SLC44A5: variants seen among roughly 807,000 people sequenced by gnomAD.
SLC44A5 encodes choline transporter-like protein 5.
A neutral mutation model predicts 101.8 loss-of-function variants in SLC44A5; 57 were observed. That is an observed-to-expected ratio of 0.56 (90% CI 0.45 to 0.70). The LOEUF (loss-of-function observed/expected upper bound fraction) is 0.70, where lower values mean the gene tolerates loss of function less well. Among genes scored for constraint, SLC44A5 ranks in the 30% least tolerant of loss-of-function variants. SLC44A5 has a pLI of 0.00. For synonymous variants in SLC44A5, 281 were observed against 290.9 expected, an observed-to-expected ratio of 0.97 and a Z score of 0.35; for missense variants, 737 against 853.1, an observed-to-expected ratio of 0.86 and a Z score of 1.70.
At chr1:75,251,870 TATTC>T (rs1649609901) in intron 6 of SLC44A5, among the ~76,000 whole-genome samples, 1 of 152,220 alleles carries the variant, frequency 6.6e-6, no homozygotes, top group Admixed American at 6.5e-5. Context: ...AGCAGGTTGA[TATTC>T]ATTATCATTA....
chr1:75,354,798 T>A (rs1658949178), intron 3 of SLC44A5, among the ~76,000 whole-genome samples: 1 of 152,188 alleles, frequency 6.6e-6, no homozygotes, highest in Non-Finnish European at 1.5e-5. Flanking sequence ...TTTCCAGAAT[T>A]TCTGAGGTAT....
chr1:75,599,362 A>G (rs1156644245), intron 1 of SLC44A5, among the ~76,000 whole-genome samples: 1 of 152,186 alleles, frequency 6.6e-6, no homozygotes, highest in Non-Finnish European at 1.5e-5. Flanking sequence ...CTGATAGCGC[A>G]TCAACAGAAC....
chr1:75,672,120 G>C, the SLC44A5 span, among the ~76,000 whole-genome samples: 4 of 152,158 alleles, frequency 2.6e-5, no homozygotes, highest in South Asian at 2.1e-4. Flanking sequence ...TTGTTTCTTT[G>C]TTTGTTTGCC....
intron 4 of SLC44A5, among the ~76,000 whole-genome samples, chr1:75,312,962 A>G (rs960468138): frequency 3.3e-5 from 5 of 152,320 alleles, no homozygotes; most frequent in African/African-American, 1.2e-4. Flanking sequence ...TCCTGATTAC[A>G]ATTTCAGTTC....
chr1:75,208,950 A>G (rs1212262812), intron 23 of SLC44A5, among the ~76,000 whole-genome samples: 1 of 152,216 alleles, frequency 6.6e-6, no homozygotes, highest in African/African-American at 2.4e-5. Context: ...GGAATAAATA[A>G]ATAAATAAAT....
chr1:75,323,805 A>G (rs1214987376), intron 4 of SLC44A5, among the ~76,000 whole-genome samples: 3 of 152,178 alleles, frequency 2.0e-5, no homozygotes, highest in African/African-American at 7.2e-5. Flanking sequence ...TTTATCTCTA[A>G]AGTCTTTTTA....
At chr1:75,446,103 C>T (rs1042369957) in intron 2 of SLC44A5, among the ~76,000 whole-genome samples, 1 of 152,130 alleles carries the variant, frequency 6.6e-6, no homozygotes, top group Non-Finnish European at 1.5e-5. Context: ...GTTTCTCTGA[C>T]CCCCCATTAG....
chr1:75,710,750 A>G, the SLC44A5 span, among the ~76,000 whole-genome samples: 2 of 152,074 alleles, frequency 1.3e-5, no homozygotes, highest in Non-Finnish European at 2.9e-5. Context: ...AGATCTGCTC[A>G]GGCTATTTTA....
chr1:75,655,977 G>C, the SLC44A5 span, among the ~76,000 whole-genome samples: 3 of 152,160 alleles, frequency 2.0e-5, no homozygotes, highest in South Asian at 6.2e-4. Context: ...AGCTCCAAAG[G>C]TCAAAATTAA....
At chr1:75,510,840 A>C (rs1045542999) in intron 2 of SLC44A5, among the ~76,000 whole-genome samples, 1 of 152,182 alleles carries the variant, frequency 6.6e-6, no homozygotes, top group Non-Finnish European at 1.5e-5. Flanking sequence ...CAACAACAAA[A>C]ATAGTTAAAG....
chr1:75,213,274 G>T (rs190556476), intron 22 of SLC44A5, among the ~76,000 whole-genome samples: 9 of 152,192 alleles, frequency 5.9e-5, no homozygotes, highest in Admixed American at 2.6e-4. Flanking sequence ...AATAATTTTT[G>T]CTATCATTAC....
intron 3 of SLC44A5, among the ~76,000 whole-genome samples, chr1:75,341,381 C>T (rs1170552945): frequency 6.6e-6 from 1 of 152,084 alleles, no homozygotes; most frequent in Non-Finnish European, 1.5e-5. Flanking sequence ...ATTCCAAAGG[C>T]TGAGGCATGA....
chr1:75,506,628 G>C (rs1669273461), intron 2 of SLC44A5, among the ~76,000 whole-genome samples: 1 of 151,916 alleles, frequency 6.6e-6, no homozygotes, highest in East Asian at 1.9e-4. Flanking sequence ...TATATTCTTG[G>C]TTTGACTCTC....
At chr1:75,369,191 A>G (rs1369141909) in intron 3 of SLC44A5, among the ~76,000 whole-genome samples, 1 of 150,252 alleles carries the variant, frequency 6.7e-6, no homozygotes, top group Non-Finnish European at 1.5e-5. Context: ...TTTTTTTTTT[A>G]ATTTTTTGAA....
chr1:75,532,438 C>T (rs1179036546), intron 2 of SLC44A5, among the ~76,000 whole-genome samples: 4 of 152,122 alleles, frequency 2.6e-5, no homozygotes, highest in African/African-American at 9.7e-5. Context: ...GCCAACCAGG[C>T]AAGATGCCTG....
At position 75,299,175 on chromosome 1, in the gene SLC44A5, G is replaced by T. The variant is rs530823345; in HGVS notation, c.175+1437C>A. Among the ~76,000 whole-genome samples the T allele has an allele frequency of 3.4e-3, 515 of 152,266 alleles. 2 individuals carry two copies. The highest frequency in any genetic ancestry group is 0.012 in the African/African-American group (497 of 41,570). On this transcript the variant is annotated intron_variant, in intron 5 of 23. Transcript: ENST00000370859. ...ATATTTACTCTAGAGATTACATATT[G>T]TACTACAACTTCATTAATGTTTAGA...
chr1:75,516,293 T>A (rs1379731789), intron 2 of SLC44A5, among the ~76,000 whole-genome samples: 2 of 152,014 alleles, frequency 1.3e-5, no homozygotes, highest in East Asian at 1.9e-4. Flanking sequence ...GGCGGGTGGA[T>A]CACGAGGTCA....
intron 4 of SLC44A5, among the ~76,000 whole-genome samples, chr1:75,302,969 T>C (rs111944554): frequency 2.2e-4 from 34 of 152,362 alleles, no homozygotes; most frequent in African/African-American, 8.2e-4. Flanking sequence ...TATAATTTTC[T>C]ATTTCATATT....
chr1:75,474,616 T>G (rs971893806), intron 2 of SLC44A5, among the ~76,000 whole-genome samples: 1 of 152,204 alleles, frequency 6.6e-6, no homozygotes, highest in Non-Finnish European at 1.5e-5. Flanking sequence ...TTATTGCCAA[T>G]TAGTAGTCCA....
Sources: gnomAD v4.1 joint callset for allele counts (sites outside exome capture counted in the v4.1 genomes callset) on GRCh38, gnomAD v4.1.1 for gene constraint, MANE v1.5 for transcripts, NCBI Gene and HGNC (gene_info 2026-07-23, HGNC 2026-07-21) for gene names.